The following LECT2 variants were observed in gnomAD, a reference collection of about 807,000 sequenced individuals.
LECT2 encodes leukocyte cell-derived chemotaxin-2.
In LECT2, 11 loss-of-function variants were observed where a neutral mutation model predicts 16.6. The ratio of observed to expected loss-of-function variants is 0.66; its 90% confidence interval spans 0.42 to 1.09. The LOEUF (loss-of-function observed/expected upper bound fraction) is 1.09. Among genes scored for constraint, LECT2 ranks in the 50% least tolerant of loss-of-function variants. LECT2 has a pLI of 0.00. For synonymous variants in LECT2, 54 were observed against 64.8 expected, an observed-to-expected ratio of 0.83 and a Z score of 0.80; for missense variants, 173 against 184.2, an observed-to-expected ratio of 0.94 and a Z score of 0.35.
rs1177717249 is a variant in LECT2 at position 135,950,510 on chromosome 5, T to C, written c.289+713A>G. 2.0e-5 allele frequency among the ~76,000 whole-genome samples: 3 copies of C among 152,308 alleles called. No homozygotes were observed. In the East Asian group the frequency reaches 5.8e-4, roughly 29 times the overall value. On this transcript the variant is annotated intron_variant, in intron 3 of 3. Transcript: ENST00000274507. ...TTCTTTTTCTTGATTTGGGTGCTGATTACACAGGTGTGTTCACTTTTTGAA... is the reference window on the plus strand; with the variant it reads ...TTCTTTTTCTTGATTTGGGTGCTGACTACACAGGTGTGTTCACTTTTTGAA...
At chr5:135,951,449 T>A (rs1763796321) in intron 2 of LECT2, 81 bp from the exon 3 acceptor site, 1 of 1,324,700 alleles carries the variant, frequency 7.5e-7, no homozygotes, top group Non-Finnish European at 1.0e-6. Flanking sequence ...GTTAGCCCAC[T>A]GTTTGCAGAC....
At chr5:135,951,074 A>G in intron 3 of LECT2, 149 bp downstream of exon 3, 1 of 757,142 alleles carries the variant, frequency 1.3e-6, no homozygotes, top group Non-Finnish European at 2.1e-6. Context: ...AAAATGCATC[A>G]GCTAGTTTGG....
intron 3 of LECT2, among the ~76,000 whole-genome samples, chr5:135,948,911 G>T (rs867627540): frequency 3.9e-4 from 59 of 152,058 alleles, no homozygotes; most frequent in Admixed American, 1.1e-3. Flanking sequence ...TCCTGACCTC[G>T]TGATCCATCC....
intron 2 of LECT2, among the ~76,000 whole-genome samples, chr5:135,952,604 A>G (rs1161081470): frequency 6.6e-6 from 1 of 152,244 alleles, no homozygotes; most frequent in Non-Finnish European, 1.5e-5. Context: ...CAGTTGAGAT[A>G]AGTGAATGTG....
intron 3 of LECT2, among the ~76,000 whole-genome samples, chr5:135,949,529 G>A (rs1254281914): frequency 6.6e-6 from 1 of 152,222 alleles, no homozygotes; most frequent in Non-Finnish European, 1.5e-5. Flanking sequence ...ATTAGTGTCA[G>A]TTTTGAGCAA....
chr5:135,950,610 C>T (rs1435989521), intron 3 of LECT2, among the ~76,000 whole-genome samples: 1 of 140,346 alleles, frequency 7.1e-6, no homozygotes, highest in Non-Finnish European at 1.5e-5. Flanking sequence ...AACCAAACAA[C>T]AAAACCAATA....
At position 135,947,475 on chromosome 5, in the gene LECT2, G is replaced by A. The variant is rs150169374; in HGVS notation, c.312C>T (p.Tyr104=). Residue 104 remains tyrosine, a synonymous_variant, in exon 4 of 4, where the codon TAC becomes TAT. Coordinates refer to ENST00000274507, the MANE Select transcript of LECT2 (RefSeq NM_002302.3). The stretch of plus-strand genomic sequence containing the variant: ...GACCTTTATACTTAATTGGCTTAAT[G>A]TAGAACATTTTGACACAAAAACCTA... The part of the protein sequence containing the change: ...SGRGFCVKMF[Y]IKPIKYKGPI... 3 of 1,610,856 alleles carry A rather than the reference G, an allele frequency of 1.9e-6. No individual in the cohort carries two copies. Among genetic ancestry groups the A allele is most frequent in the African/African-American group, 2.7e-5 (2 of 74,894 alleles).
chr5:135,953,020 C>T lies in LECT2; in HGVS notation c.47-53G>A, dbSNP rs577784128. On this transcript the variant is annotated intron_variant, in intron 1 of 3. Coordinates refer to ENST00000274507, the MANE Select transcript of LECT2 (RefSeq NM_002302.3). ...CTCCTGGCCTCAGACATTTCCTATC[C>T]CCATTTGCCTTATCAGTCACACAGT... The T allele has an allele frequency of 1.7e-4, 204 of 1,222,104 alleles. No homozygotes were observed. The African/African-American group carries it at 2.9e-3, about 17-fold the overall frequency. The allele number at this position is 1,222,104 out of a possible 1,614,324, so 75.7% of individuals were successfully genotyped here.
At chr5:135,949,061 T>G (rs1763748232) in intron 3 of LECT2, among the ~76,000 whole-genome samples, 1 of 152,142 alleles carries the variant, frequency 6.6e-6, no homozygotes, top group Non-Finnish European at 1.5e-5. Flanking sequence ...TCAGGTAGGT[T>G]TTACGAATAA....
At chr5:135,954,234 G>A (rs1406835968) in intron 1 of LECT2, among the ~76,000 whole-genome samples, 1 of 152,154 alleles carries the variant, frequency 6.6e-6, no homozygotes, top group Non-Finnish European at 1.5e-5. Flanking sequence ...TTAAAAGGTG[G>A]GTTTCAAAAG....
intron 3 of LECT2, among the ~76,000 whole-genome samples, chr5:135,948,672 A>AATT (rs1286009892): frequency 1.0e-4 from 15 of 144,028 alleles, no homozygotes; most frequent in African/African-American, 3.9e-4. Context: ...TAATAATAAT[A>AATT]ATTATTATTA....
intron 3 of LECT2, among the ~76,000 whole-genome samples, chr5:135,950,540 A>G (rs972153761): frequency 2.0e-5 from 3 of 152,192 alleles, no homozygotes; most frequent in Admixed American, 6.5e-5. Context: ...TTTGAAATTC[A>G]CGGAGCTATA....
At chr5:135,952,256 G>A (rs146398766) in intron 2 of LECT2, among the ~76,000 whole-genome samples, 1 of 152,352 alleles carries the variant, frequency 6.6e-6, no homozygotes, top group Non-Finnish European at 1.5e-5. Flanking sequence ...TTAGGATGGA[G>A]ATCAGTGATA....
At chr5:135,952,244 A>G (rs1352337011) in intron 2 of LECT2, among the ~76,000 whole-genome samples, 3 of 152,200 alleles carry the variant, frequency 2.0e-5, no homozygotes, top group African/African-American at 7.2e-5. Flanking sequence ...GTTCCCCTCT[A>G]GTTAGGATGG....
At chr5:135,954,438 T>A (rs1489392470) in intron 1 of LECT2, among the ~76,000 whole-genome samples, 5 of 152,236 alleles carry the variant, frequency 3.3e-5, no homozygotes, top group African/African-American at 1.2e-4. Context: ...TCTGTATTAG[T>A]ATCTGTATCA....
At chr5:135,949,176 T>A (rs1480318221) in intron 3 of LECT2, among the ~76,000 whole-genome samples, 1 of 152,202 alleles carries the variant, frequency 6.6e-6, no homozygotes, top group East Asian at 1.9e-4. Flanking sequence ...ATATGTTCAT[T>A]GATTGGAGGA....
At chr5:135,951,743 G>A (rs1167743441) in intron 2 of LECT2, among the ~76,000 whole-genome samples, 1 of 152,050 alleles carries the variant, frequency 6.6e-6, no homozygotes, top group African/African-American at 2.4e-5. Flanking sequence ...CTTTTTATGG[G>A]AACCTATCAT....
chr5:135,951,196 C>T, intron 3 of LECT2, 27 bp downstream of exon 3: 1 of 1,606,928 alleles, frequency 6.2e-7, no homozygotes, highest in African/African-American at 1.3e-5. Context: ...CAGGAGGCAC[C>T]CCAGGTGTAG....
intron 1 of LECT2, among the ~76,000 whole-genome samples, chr5:135,954,399 C>G (rs1190057709): frequency 1.3e-5 from 2 of 152,166 alleles, no homozygotes; most frequent in African/African-American, 4.8e-5. Flanking sequence ...ATTAAGGGAG[C>G]CATCCCTTTG....
Sources: allele counts gnomAD v4.1 joint callset (sites outside exome capture counted in the v4.1 genomes callset), GRCh38; gene constraint gnomAD v4.1.1; transcripts MANE v1.5; gene names NCBI Gene and HGNC (gene_info 2026-07-23, HGNC 2026-07-21).